SAMD5: variants seen among roughly 807,000 people sequenced by gnomAD.
The protein encoded by SAMD5 is sterile alpha motif domain-containing protein 5.
Under a neutral mutation model 11.3 loss-of-function variants are expected in SAMD5, and 13 were observed. The observed-to-expected ratio is 1.15, with a 90% confidence interval of 0.75 to 1.83. The LOEUF (loss-of-function observed/expected upper bound fraction) is 1.83, where lower values mean the gene tolerates loss of function less well. Ranked by LOEUF, SAMD5 falls within the 40% of genes most tolerant of loss-of-function variation. SAMD5 has a pLI of 0.00. For synonymous variants in SAMD5, 129 were observed against 111.3 expected, an observed-to-expected ratio of 1.16 and a Z score of -1.00; for missense variants, 255 against 239.1, an observed-to-expected ratio of 1.07 and a Z score of -0.44.
chr6:147,606,521 T>C (rs1789704135), intron 1 of SAMD5, among the ~76,000 whole-genome samples: 1 of 151,410 alleles, frequency 6.6e-6, no homozygotes, highest in African/African-American at 2.4e-5. Flanking sequence ...CCCCTGCATT[T>C]TTGCTTTTTA....
chr6:147,690,379 G>T (rs1466473708), intron 1 of SAMD5, among the ~76,000 whole-genome samples: 2 of 152,092 alleles, frequency 1.3e-5, no homozygotes, highest in African/African-American at 4.8e-5. Context: ...CCATTTCTAG[G>T]CTGGGAGTGG....
intron 1 of SAMD5, among the ~76,000 whole-genome samples, chr6:147,575,366 A>G (rs1789203823): frequency 6.6e-6 from 1 of 152,274 alleles, no homozygotes; most frequent in Admixed American, 6.5e-5. Flanking sequence ...GTTTTCAGAC[A>G]GTAACTCATT....
the SAMD5 span, among the ~76,000 whole-genome samples, chr6:147,867,884 A>C: frequency 3.4e-4 from 52 of 152,340 alleles, no homozygotes; most frequent in African/African-American, 1.2e-3. Flanking sequence ...CAAACAAACA[A>C]AACAATTCTA....
At chr6:147,797,181 T>C in the SAMD5 span, among the ~76,000 whole-genome samples, 1 of 131,478 alleles carries the variant, frequency 7.6e-6, no homozygotes, top group Admixed American at 7.7e-5. Context: ...TTTTGCCCAT[T>C]CAGTATGATA....
At chr6:147,626,366 C>A (rs1212646105) in intron 1 of SAMD5, among the ~76,000 whole-genome samples, 1 of 151,804 alleles carries the variant, frequency 6.6e-6, no homozygotes, top group Admixed American at 6.6e-5. Flanking sequence ...CCTCAAAAAT[C>A]CCAATTGCTT....
Position 147,611,305 on chromosome 6 carries a change from G to A in SAMD5, c.162+101918G>A, listed in dbSNP as rs554232389. Among the ~76,000 whole-genome samples, 8 of 152,190 alleles carry A rather than the reference G, an allele frequency of 5.3e-5. No homozygotes were observed. In the South Asian group the frequency reaches 1.7e-3, roughly 32 times the overall value. The stretch of plus-strand genomic sequence containing the variant: ...TATGCAAGTGGAAGCTTGTTTAGAA[G>A]TCATGCCTGTAATCCCAGGACTTTG... On this transcript the variant is annotated intron_variant, in intron 1 of 1. Coordinates refer to the SAMD5 transcript ENST00000566741.
intron 1 of SAMD5, among the ~76,000 whole-genome samples, chr6:147,580,824 T>C (rs1229801156): frequency 6.6e-6 from 1 of 151,958 alleles, no homozygotes; most frequent in Non-Finnish European, 1.5e-5. Flanking sequence ...TGATTTTTTT[T>C]TTTTAATTCT....
At chr6:147,888,112 T>A in the SAMD5 span, among the ~76,000 whole-genome samples, 13 of 152,182 alleles carry the variant, frequency 8.5e-5, no homozygotes, top group Non-Finnish European at 1.9e-4. Context: ...TGTCTTTTTA[T>A]TCTCTTACCA....
chr6:147,666,318 A>G (rs1314744120), intron 1 of SAMD5, among the ~76,000 whole-genome samples: 2 of 151,930 alleles, frequency 1.3e-5, no homozygotes, highest in African/African-American at 4.8e-5. Flanking sequence ...TATCGGATGT[A>G]TTTGTACCAG....
the SAMD5 span, among the ~76,000 whole-genome samples, chr6:147,838,656 C>A: frequency 6.6e-6 from 1 of 151,812 alleles, no homozygotes; most frequent in Non-Finnish European, 1.5e-5. Flanking sequence ...GGAGTGAGAC[C>A]ACCTTGGCCA....
chr6:147,723,613 ATCC>A (rs143028126), intron 1 of SAMD5, among the ~76,000 whole-genome samples: 4,030 of 152,128 alleles, frequency 0.026, 172 homozygotes, highest in African/African-American at 0.092. Context: ...GTGTGTGTGA[ATCC>A]TCCTCATGTC....
chr6:147,655,713 T>C (rs968202055), intron 1 of SAMD5, among the ~76,000 whole-genome samples: 2 of 152,216 alleles, frequency 1.3e-5, no homozygotes, highest in Admixed American at 1.3e-4. Context: ...CTTCACATCT[T>C]ATGTCCAACT....
intron 1 of SAMD5, among the ~76,000 whole-genome samples, chr6:147,692,906 GCACA>G (rs1275256614): frequency 6.6e-6 from 1 of 152,212 alleles, no homozygotes; most frequent in Non-Finnish European, 1.5e-5. Context: ...TGTCTCTTTA[GCACA>G]CAATCTCCAA....
intron 1 of SAMD5, among the ~76,000 whole-genome samples, chr6:147,539,515 A>G (rs1292900920): frequency 6.6e-6 from 1 of 152,214 alleles, no homozygotes; most frequent in Non-Finnish European, 1.5e-5. Flanking sequence ...AGTGCAAAAC[A>G]GAACAGTGCC....
At chr6:147,660,160 G>A (rs557108622) in intron 1 of SAMD5, among the ~76,000 whole-genome samples, 7 of 152,236 alleles carry the variant, frequency 4.6e-5, no homozygotes, top group African/African-American at 1.2e-4. Context: ...GAAATGCCCC[G>A]GCTCCTTTTG....
chr6:147,951,215 C>T, the SAMD5 span, among the ~76,000 whole-genome samples: 1 of 149,526 alleles, frequency 6.7e-6, no homozygotes, highest in Non-Finnish European at 1.5e-5. Flanking sequence ...CGGAGTCTCG[C>T]TCTGTCGCCA....
chr6:147,630,414 G>A (rs1790131501), intron 1 of SAMD5, among the ~76,000 whole-genome samples: 2 of 152,154 alleles, frequency 1.3e-5, no homozygotes, highest in African/African-American at 2.4e-5. Flanking sequence ...TATTTGTCCA[G>A]ACGGCCTGAA....
chr6:147,924,568 A>G, the SAMD5 span, among the ~76,000 whole-genome samples: 1 of 151,984 alleles, frequency 6.6e-6, no homozygotes, highest in Non-Finnish European at 1.5e-5. Context: ...TATTAACTTG[A>G]ACTAGCTTAT....
chr6:147,896,883 A>G, the SAMD5 span, among the ~76,000 whole-genome samples: 9 of 152,152 alleles, frequency 5.9e-5, no homozygotes, highest in Admixed American at 5.2e-4. Flanking sequence ...GACGAACCTC[A>G]AAATAATTGT....
Sources: allele counts gnomAD v4.1 joint callset (sites outside exome capture counted in the v4.1 genomes callset), GRCh38; gene constraint gnomAD v4.1.1; transcripts MANE v1.5; gene names NCBI Gene and HGNC (gene_info 2026-07-23, HGNC 2026-07-21).